The following PERP variants were observed in gnomAD, a reference collection of about 807,000 sequenced individuals.
PERP encodes p53 apoptosis effector related to PMP-22.
A neutral mutation model predicts 20.3 loss-of-function variants in PERP; 11 were observed. The observed-to-expected ratio is 0.54, with a 90% CI of 0.34 to 0.90. PERP has a LOEUF of 0.90. Ranked by LOEUF, PERP falls within the 40% of genes least tolerant of loss-of-function variation. PERP has a pLI of 0.02. For missense variants in PERP, 224 were observed against 249.4 expected, an observed-to-expected ratio of 0.90 and a Z score of 0.69; for synonymous variants, 101 against 102.0, an observed-to-expected ratio of 0.99 and a Z score of 0.06.
intron 1 of PERP, among the ~76,000 whole-genome samples, chr6:138,100,487 T>A (rs2114339922): frequency 6.6e-6 from 1 of 152,264 alleles, no homozygotes; most frequent in African/African-American, 2.4e-5. Context: ...AGACTGTCCA[T>A]CTTTATCTAA....
intron 2 of PERP, among the ~76,000 whole-genome samples, chr6:138,093,384 A>ATT (rs575504371): frequency 4.9e-5 from 7 of 144,096 alleles, no homozygotes; most frequent in Non-Finnish European, 9.2e-5. Flanking sequence ...TTTCTTCTTC[A>ATT]TTTTTTTTTT....
chr6:138,090,968 A>G lies in PERP; in HGVS notation c.*1074T>C, dbSNP rs1263386756. 1 of 152,650 alleles carries G rather than the reference A, an allele frequency of 6.6e-6. No homozygotes were observed. The highest frequency in any genetic ancestry group is 1.5e-5 in the Non-Finnish European group (1 of 68,038). 9.5% of individuals were successfully genotyped at this position (152,650 alleles called of 1,614,324 possible). A position where few individuals can be genotyped will look rare whatever the true frequency, so the allele number is the denominator to read the frequency against. ...ATATATGCTATTCAGAGAAACTCAA[A>G]TCCCCGAATTCTCCTGTGGCATGTT... On this transcript the variant is annotated 3_prime_UTR_variant, in exon 3 of 3. Transcript: ENST00000421351.
chr6:138,092,138 G>C lies in PERP; in HGVS notation c.486C>G (p.Ile162Met), dbSNP rs753303141. Residue 162 changes from isoleucine to methionine, a missense_variant, in exon 3 of 3, where the codon ATC becomes ATG. Ile to Met is a conservative substitution (Grantham distance 10). Coordinates refer to ENST00000421351, the MANE Select transcript of PERP (RefSeq NM_022121.5). ...AYGFGWAATI[I>M]LIGCAFFFCC... ...AGAAGAAGAAGGCACAGCCAATCAGGATAATCGTGGCTGCCCACCCAAAGC... is the reference window on the plus strand; with the variant it reads ...AGAAGAAGAAGGCACAGCCAATCAGCATAATCGTGGCTGCCCACCCAAAGC... 6.2e-7 allele frequency: 1 copy of C among 1,614,102 alleles called. No homozygotes were observed. The highest frequency in any genetic ancestry group is 1.7e-5 in the Admixed American group (1 of 59,986).
At position 138,107,061 on chromosome 6, in the gene PERP, G is replaced by C. The variant is rs1582970462; in HGVS notation, c.214+66C>G. 1.3e-6 allele frequency: 2 copies of C among 1,495,484 alleles called. No homozygotes were observed. Among genetic ancestry groups the C allele is most frequent in the African/African-American group, 2.8e-5 (2 of 71,202 alleles). The allele number at this position is 1,495,484 out of a possible 1,614,324, so 92.6% of individuals were successfully genotyped here. ...CTGTGAGGGCCCATCACGCGCGGCG[G>C]CTTTTGCAGGCCGCGGCCCCGAGGG... is the stretch of plus-strand genomic sequence containing the variant. On this transcript the variant is annotated intron_variant, in intron 1 of 2. Coordinates refer to ENST00000421351, the MANE Select transcript of PERP (RefSeq NM_022121.5). The surrounding 1 kb of genome is among the most constrained non-coding windows in gnomAD (Gnocchi z 4.8).
intron 1 of PERP, among the ~76,000 whole-genome samples, chr6:138,102,900 C>A (rs1775794230): frequency 6.6e-6 from 1 of 151,840 alleles, no homozygotes; most frequent in South Asian, 2.1e-4. Context: ...GAGATCCAGA[C>A]CATCCTGGTT....
Position 138,102,818 on chromosome 6 carries a change from G to A in PERP, c.214+4309C>T, listed in dbSNP as rs980891396. Among the ~76,000 whole-genome samples, 7 of 151,924 alleles carry A rather than the reference G, an allele frequency of 4.6e-5. No individual in the cohort carries two copies. The East Asian group carries it at 5.8e-4, about 13-fold the overall frequency. ...CTCGTGCAAAGAGTAATCTGTCTGC[G>A]GCCAGGCGCGGTGGCTCACGCCTGT... is the stretch of plus-strand genomic sequence containing the variant. On this transcript the variant is annotated intron_variant, in intron 1 of 2. Coordinates refer to ENST00000421351, the MANE Select transcript of PERP (RefSeq NM_022121.5).
rs1041353450 is a variant in PERP at position 138,089,273 on chromosome 6, A to C, written c.*2769T>G. 2.0e-5 allele frequency: 1 copy of C among 50,994 alleles called. No individual in the cohort carries two copies. The highest frequency in any genetic ancestry group is 5.3e-5 in the Non-Finnish European group (1 of 18,996). The allele number at this position is 50,994 out of a possible 1,614,324, so 3.2% of individuals were successfully genotyped here. A position where few individuals can be genotyped will look rare whatever the true frequency, so the allele number is the denominator to read the frequency against. On this transcript the variant is annotated 3_prime_UTR_variant, in exon 3 of 3. Coordinates refer to ENST00000421351, the MANE Select transcript of PERP (RefSeq NM_022121.5). ...GGAATGTCTTTCAGGGGGAGTTTAC[A>C]GAAAAAAAAAATAAACCGAATTAAG...
chr6:138,101,488 G>A (rs1046090596), intron 1 of PERP, among the ~76,000 whole-genome samples: 4 of 152,148 alleles, frequency 2.6e-5, no homozygotes, highest in African/African-American at 4.8e-5. Flanking sequence ...CTTTGGAGAC[G>A]ATCACTAAGT....
chr6:138,091,938 T>C lies in PERP; in HGVS notation c.*104A>G. The C allele has an allele frequency of 3.0e-6, 3 of 995,150 alleles. No individual in the cohort carries two copies. Among genetic ancestry groups the C allele is most frequent in the South Asian group, 3.4e-5 (2 of 58,838 alleles). The allele number at this position is 995,150 out of a possible 1,614,324, so 61.6% of individuals were successfully genotyped here. On this transcript the variant is annotated 3_prime_UTR_variant, in exon 3 of 3. Transcript: ENST00000421351. ...TTAGCATTTTTGACTAGTTTAATAA[T>C]ATGAACACTGCCAAAAAATGGGTTC...
At position 138,093,896 on chromosome 6, in the gene PERP, C is replaced by G. The variant is rs1163321892; in HGVS notation, c.356-1628G>C. On this transcript the variant is annotated intron_variant, in intron 2 of 2. Transcript: ENST00000421351. ...TATTCTTCTAAATACATTTTCTGTT[C>G]TATTTTTCATACTCTTTAAAGGAAA... 7.7e-3 allele frequency among the ~76,000 whole-genome samples: 1,170 copies of G among 152,190 alleles called. 22 individuals are homozygous for G. Among genetic ancestry groups the G allele is most frequent in the African/African-American group, 0.026 (1,094 of 41,544 alleles).
intron 1 of PERP, among the ~76,000 whole-genome samples, chr6:138,104,677 T>C (rs1775818492): frequency 6.6e-6 from 1 of 152,208 alleles, no homozygotes; most frequent in South Asian, 2.1e-4. Flanking sequence ...GCCTAGTACA[T>C]ATCAAGAAGT....
In PERP at chr6:138,090,195, T is replaced by G. The variant is rs1448674916; in HGVS notation, c.*1847A>C. On this transcript the variant is annotated 3_prime_UTR_variant, in exon 3 of 3. Coordinates refer to ENST00000421351, the MANE Select transcript of PERP (RefSeq NM_022121.5). ...CTCTATGAGAAACATTCACCTCGCATTTTGAAAAGCATAGAAAAATTCACT... is the reference window on the plus strand; with the variant it reads ...CTCTATGAGAAACATTCACCTCGCAGTTTGAAAAGCATAGAAAAATTCACT... 6.6e-6 allele frequency: 1 copy of G among 152,166 alleles called. No individual in the cohort carries two copies. The highest frequency in any genetic ancestry group is 1.9e-4 in the East Asian group (1 of 5,202). 9.4% of individuals were successfully genotyped at this position (152,166 alleles called of 1,614,324 possible).
chr6:138,094,372 G>A (rs993030908), intron 2 of PERP, among the ~76,000 whole-genome samples: 2 of 151,360 alleles, frequency 1.3e-5, no homozygotes, highest in African/African-American at 4.9e-5. Flanking sequence ...GGTAGCTCAT[G>A]TAAATGGAAT....
At position 138,091,610 on chromosome 6, in the gene PERP, A is replaced by G. The variant is rs532712950; in HGVS notation, c.*432T>C. On this transcript the variant is annotated 3_prime_UTR_variant, in exon 3 of 3. Coordinates refer to ENST00000421351, the MANE Select transcript of PERP (RefSeq NM_022121.5). ...TGCATTTCTTTTAGAATGTTTGGTC[A>G]TTAACAACTTTTAACCTTATCTTCC... is the stretch of plus-strand genomic sequence containing the variant. The G allele has an allele frequency of 4.6e-4, 70 of 153,118 alleles. No individual in the cohort carries two copies. Among genetic ancestry groups the G allele is most frequent in the Middle Eastern group, 6.8e-3 (2 of 294 alleles). The allele number at this position is 153,118 out of a possible 1,614,324, so 9.5% of individuals were successfully genotyped here.
intron 1 of PERP, among the ~76,000 whole-genome samples, chr6:138,097,594 A>T (rs1230040135): frequency 6.6e-6 from 1 of 152,086 alleles, no homozygotes; most frequent in East Asian, 1.9e-4. Flanking sequence ...ATCTCCTAAT[A>T]ACTTCTTAAG....
intron 2 of PERP, among the ~76,000 whole-genome samples, chr6:138,092,978 G>A (rs1470172710): frequency 6.6e-6 from 1 of 152,122 alleles, no homozygotes; most frequent in Non-Finnish European, 1.5e-5. Context: ...GAGTTAAGAT[G>A]TGGAAAGAAA....
At chr6:138,101,284 C>T (rs568340958) in intron 1 of PERP, among the ~76,000 whole-genome samples, 3 of 152,070 alleles carry the variant, frequency 2.0e-5, no homozygotes, top group Non-Finnish European at 4.4e-5. Context: ...GCATGAGAAT[C>T]GCTTGCACCT....
intron 1 of PERP, among the ~76,000 whole-genome samples, chr6:138,096,789 G>T (rs1775701545): frequency 6.6e-6 from 1 of 152,134 alleles, no homozygotes. Context: ...TTTCTCGTGT[G>T]ATAAGTTTGC....
chr6:138,095,701 C>G (rs1372120250), intron 2 of PERP, among the ~76,000 whole-genome samples: 2 of 152,194 alleles, frequency 1.3e-5, no homozygotes, highest in African/African-American at 4.8e-5. Flanking sequence ...TCCTTAGTGC[C>G]ACAGACCTGA....
Sources: allele counts gnomAD v4.1 joint callset (sites outside exome capture counted in the v4.1 genomes callset), GRCh38; gene constraint gnomAD v4.1.1; non-coding constraint Gnocchi (gnomAD v3.1); transcripts MANE v1.5; gene names NCBI Gene and HGNC (gene_info 2026-07-23, HGNC 2026-07-21).